Variants in OPCML observed in about 807,000 individuals in gnomAD.
The protein encoded by OPCML is opioid binding protein/cell adhesion molecule like, also known as opioid-binding protein/cell adhesion molecule.
In OPCML, 13 loss-of-function variants were observed where a neutral mutation model predicts 37.8. The observed-to-expected ratio is 0.34, with a 90% CI of 0.22 to 0.55. The LOEUF (loss-of-function observed/expected upper bound fraction) is 0.55. Ranked by LOEUF, OPCML falls within the 20% of genes least tolerant of loss-of-function variation. The pLI, the probability that OPCML is intolerant of heterozygous loss-of-function variation, is 0.91. For synonymous variants in OPCML, 176 were observed against 168.8 expected (o/e 1.04, Z -0.33); for missense variants, 341 against 435.6 (o/e 0.78, Z 1.93).
At chr11:133,183,631 A>G (rs1202078006) in intron 1 of OPCML, among the ~76,000 whole-genome samples, 2 of 152,170 alleles carry the variant, frequency 1.3e-5, no homozygotes, top group East Asian at 1.9e-4. Context: ...TCGAGAGTGT[A>G]TTGTATGTGA....
intron 2 of OPCML, among the ~76,000 whole-genome samples, chr11:132,681,855 T>C (rs1942958734): frequency 6.6e-6 from 1 of 151,638 alleles, no homozygotes; most frequent in Non-Finnish European, 1.5e-5. Flanking sequence ...CTCAGGAGGC[T>C]GAGGCAGGAG....
At chr11:133,004,740 C>T (rs1591902128) in intron 1 of OPCML, 15 of 985,418 alleles carry the variant, frequency 1.5e-5, no homozygotes, top group East Asian at 1.1e-4. Context: ...AGGTTCACAC[C>T]GGACGCGTGG....
intron 7 of OPCML, among the ~76,000 whole-genome samples, chr11:132,425,512 C>T (rs936790735): frequency 1.3e-5 from 2 of 152,188 alleles, no homozygotes; most frequent in Non-Finnish European, 2.9e-5. Context: ...GTTCTATCTA[C>T]CCTTGCAGGA....
At chr11:132,741,523 G>A (rs1945432507) in intron 2 of OPCML, among the ~76,000 whole-genome samples, 1 of 151,994 alleles carries the variant, frequency 6.6e-6, no homozygotes, top group African/African-American at 2.4e-5. Flanking sequence ...ACTGAGAATT[G>A]TTATGAGAAT....
intron 1 of OPCML, among the ~76,000 whole-genome samples, chr11:133,436,280 C>T (rs1946231391): frequency 6.8e-6 from 1 of 146,544 alleles, no homozygotes; most frequent in South Asian, 2.1e-4. Context: ...TGCAAAAAGA[C>T]TGTTAGTTTT....
At chr11:133,232,364 T>A (rs1365649167) in intron 1 of OPCML, among the ~76,000 whole-genome samples, 1 of 152,202 alleles carries the variant, frequency 6.6e-6, no homozygotes, top group East Asian at 1.9e-4. Flanking sequence ...AAAGAGGTAA[T>A]AAAATCTCCC....
chr11:132,996,618 CAAAAAA>C (rs11285711), intron 1 of OPCML, among the ~76,000 whole-genome samples: 1 of 123,400 alleles, frequency 8.1e-6, no homozygotes. Flanking sequence ...GGCTCCATCT[CAAAAAA>C]AAAAAAAAAA....
chr11:132,910,131 G>C (rs529024994), intron 2 of OPCML, among the ~76,000 whole-genome samples: 1 of 152,186 alleles, frequency 6.6e-6, no homozygotes, highest in Admixed American at 6.5e-5. Flanking sequence ...CTCCTCCTCT[G>C]AGCACTGCTT....
intron 3 of OPCML, among the ~76,000 whole-genome samples, chr11:132,532,095 G>C (rs7121206): frequency 0.017 from 2,540 of 152,236 alleles, 68 homozygotes; most frequent in African/African-American, 0.049. Context: ...TAGTGTGAAG[G>C]ATGCTGGATT....
rs35161811 is a variant in OPCML at position 133,099,442 on chromosome 11, C to CT, written c.62-156433dup. On this transcript the variant is annotated intron_variant, in intron 1 of 7. Transcript: ENST00000524381. ...CACACCTGGCTAATTTTCTTTTTTT[C>CT]TTTTTTTTTTTTTTTTTTGTATTTT... Among the ~76,000 whole-genome samples, 449 of 119,438 alleles carry CT rather than the reference C, an allele frequency of 3.8e-3. 2 individuals carry two copies. The highest frequency in any genetic ancestry group is 8.2e-3 in the African/African-American group (255 of 30,940). 78.4% of individuals were successfully genotyped at this position (119,438 alleles called of 152,430 possible).
chr11:132,509,710 G>T (rs114580592), intron 4 of OPCML, among the ~76,000 whole-genome samples: 28 of 152,346 alleles, frequency 1.8e-4, no homozygotes, highest in African/African-American at 6.5e-4. Flanking sequence ...AAGAATTAAG[G>T]TTTGAGGACT....
chr11:132,734,495 G>C (rs1945187328), intron 2 of OPCML, among the ~76,000 whole-genome samples: 1 of 152,202 alleles, frequency 6.6e-6, no homozygotes, highest in Admixed American at 6.5e-5. Flanking sequence ...GCAGCCAGTT[G>C]TTAGCCATAT....
At chr11:133,217,810 T>C (rs1939647557) in intron 1 of OPCML, among the ~76,000 whole-genome samples, 1 of 152,182 alleles carries the variant, frequency 6.6e-6, no homozygotes, top group Admixed American at 6.5e-5. Flanking sequence ...CCCAGCACTA[T>C]GGGATGCCAA....
chr11:133,329,365 C>G (rs918270448), intron 1 of OPCML, among the ~76,000 whole-genome samples: 3 of 152,138 alleles, frequency 2.0e-5, no homozygotes, highest in Admixed American at 6.5e-5. Flanking sequence ...AAAAAGAGCC[C>G]ACATTGCCAA....
At chr11:133,479,926 A>G (rs1398545431) in intron 1 of OPCML, among the ~76,000 whole-genome samples, 4 of 152,252 alleles carry the variant, frequency 2.6e-5, no homozygotes, top group South Asian at 2.1e-4. Flanking sequence ...CCTTGCTAAT[A>G]CCACCTGCTT....
intron 1 of OPCML, among the ~76,000 whole-genome samples, chr11:133,145,208 T>A (rs1425048456): frequency 6.6e-6 from 1 of 152,240 alleles, no homozygotes; most frequent in Non-Finnish European, 1.5e-5. Context: ...ATGACAGTGC[T>A]ATAACTGAGG....
intron 2 of OPCML, among the ~76,000 whole-genome samples, chr11:132,701,507 A>G (rs1038691431): frequency 6.6e-6 from 1 of 152,146 alleles, no homozygotes; most frequent in Non-Finnish European, 1.5e-5. Context: ...ATCTTTGCCT[A>G]TCCTTTCACT....
intron 2 of OPCML, among the ~76,000 whole-genome samples, chr11:132,839,107 C>G (rs1207080373): frequency 1.3e-5 from 2 of 152,178 alleles, no homozygotes; most frequent in African/African-American, 4.8e-5. Flanking sequence ...ACAGAAAATT[C>G]ACAGAGGAGA....
At chr11:132,714,528 A>G (rs936083166) in intron 2 of OPCML, among the ~76,000 whole-genome samples, 2 of 152,248 alleles carry the variant, frequency 1.3e-5, no homozygotes, top group African/African-American at 4.8e-5. Flanking sequence ...CAGAGCACGC[A>G]ATGCCGCATC....
Sources: gnomAD v4.1 joint callset for allele counts (sites outside exome capture counted in the v4.1 genomes callset) on GRCh38, gnomAD v4.1.1 for gene constraint, MANE v1.5 for transcripts, NCBI Gene and HGNC (gene_info 2026-07-23, HGNC 2026-07-21) for gene names.